The following TTC29 variants were observed in gnomAD, a reference collection of about 807,000 sequenced individuals.
The protein encoded by TTC29 is tetratricopeptide repeat domain 29.
A neutral mutation model predicts 58.1 loss-of-function variants in TTC29; 49 were observed. The observed-to-expected ratio is 0.84, with a 90% CI of 0.67 to 1.07. The LOEUF is 1.07. TTC29 is among the 50% of genes least tolerant of loss of function. TTC29 has a pLI of 0.00. For synonymous variants in TTC29, 209 were observed against 196.8 expected, an observed-to-expected ratio of 1.06 and a Z score of -0.52; for missense variants, 582 against 555.6, an observed-to-expected ratio of 1.05 and a Z score of -0.48.
chr4:146,882,836 A>G (rs1731724672), intron 6 of TTC29, among the ~76,000 whole-genome samples: 1 of 152,056 alleles, frequency 6.6e-6, no homozygotes, highest in Admixed American at 6.6e-5. Flanking sequence ...ATTACGACAA[A>G]ACCCAAAAAA....
intron 9 of TTC29, among the ~76,000 whole-genome samples, chr4:146,825,668 T>C (rs1437225507): frequency 6.6e-6 from 1 of 152,198 alleles, no homozygotes; most frequent in Non-Finnish European, 1.5e-5. Flanking sequence ...GTTAATTTTC[T>C]GTCTCGTTAA....
intron 6 of TTC29, among the ~76,000 whole-genome samples, chr4:146,899,002 C>A (rs149130686): frequency 1.3e-5 from 2 of 152,264 alleles, no homozygotes; most frequent in East Asian, 3.9e-4. Context: ...CATGGGGAAG[C>A]GGAAAGAGGA....
intron 11 of TTC29, among the ~76,000 whole-genome samples, chr4:146,752,036 T>C (rs1234829419): frequency 6.6e-6 from 1 of 152,024 alleles, no homozygotes; most frequent in Non-Finnish European, 1.5e-5. Context: ...TCACCACTGC[T>C]ATTCAACATA....
At chr4:146,739,161 ACTGT>A (rs1166537900) in intron 11 of TTC29, among the ~76,000 whole-genome samples, 1 of 152,200 alleles carries the variant, frequency 6.6e-6, no homozygotes, top group Non-Finnish European at 1.5e-5. Context: ...GATTATATAA[ACTGT>A]CTATTATAGG....
At chr4:146,848,617 T>G (rs1729324302) in intron 8 of TTC29, among the ~76,000 whole-genome samples, 1 of 152,212 alleles carries the variant, frequency 6.6e-6, no homozygotes, top group East Asian at 1.9e-4. Context: ...AGCATTCTTA[T>G]AGTAAGCTTT....
chr4:146,823,434 G>A (rs947535280), intron 9 of TTC29, among the ~76,000 whole-genome samples: 2 of 152,060 alleles, frequency 1.3e-5, no homozygotes, highest in Admixed American at 6.6e-5. Flanking sequence ...TGTTATTTCC[G>A]AGGTCTCTGT....
intron 4 of TTC29, among the ~76,000 whole-genome samples, chr4:146,928,618 C>T (rs1052670901): frequency 6.6e-6 from 1 of 152,176 alleles, no homozygotes; most frequent in African/African-American, 2.4e-5. Context: ...CCTCTAGTTG[C>T]TCAGGTCAGT....
At chr4:146,864,447 GCAGA>G (rs950041725) in intron 8 of TTC29, among the ~76,000 whole-genome samples, 7 of 152,194 alleles carry the variant, frequency 4.6e-5, no homozygotes, top group African/African-American at 1.4e-4. Flanking sequence ...TATAAACCAG[GCAGA>G]CAGTCTTTTA....
intron 11 of TTC29, among the ~76,000 whole-genome samples, chr4:146,774,163 T>C (rs1294009034): frequency 6.6e-6 from 1 of 152,102 alleles, no homozygotes; most frequent in East Asian, 1.9e-4. Context: ...TCTTATTTAT[T>C]CTTTCAAAAA....
chr4:146,853,279 A>G (rs1205345828), intron 8 of TTC29, among the ~76,000 whole-genome samples: 1 of 152,174 alleles, frequency 6.6e-6, no homozygotes, highest in Non-Finnish European at 1.5e-5. Context: ...ATAACCACCA[A>G]AAACAGTTTG....
intron 7 of TTC29, among the ~76,000 whole-genome samples, 199 bp downstream of exon 7, chr4:146,874,517 A>G (rs1579882565): frequency 6.6e-6 from 1 of 152,192 alleles, no homozygotes; most frequent in East Asian, 1.9e-4. Flanking sequence ...TAAAGCTTTC[A>G]GGAAACTAAT....
chr4:146,847,661 G>A (rs115479916), intron 8 of TTC29, among the ~76,000 whole-genome samples: 237 of 152,286 alleles, frequency 1.6e-3, no homozygotes, highest in African/African-American at 5.3e-3. Flanking sequence ...ACTTGTCAGG[G>A]AGAAGGGAGG....
chr4:146,846,904 A>T (rs1353632411), intron 8 of TTC29, among the ~76,000 whole-genome samples: 1 of 152,182 alleles, frequency 6.6e-6, no homozygotes, highest in Non-Finnish European at 1.5e-5. Context: ...CTGTCTGTAC[A>T]ATTTGATATC....
At chr4:146,788,297 T>C (rs928118888) in intron 11 of TTC29, among the ~76,000 whole-genome samples, 17 of 152,238 alleles carry the variant, frequency 1.1e-4, no homozygotes, top group African/African-American at 3.9e-4. Context: ...TTGCTTTGGC[T>C]AAGGGATGGG....
chr4:146,766,555 T>C (rs1747337470), intron 11 of TTC29, among the ~76,000 whole-genome samples: 1 of 152,054 alleles, frequency 6.6e-6, no homozygotes, highest in South Asian at 2.1e-4. Context: ...ACCTGTCTGA[T>C]AAAAAAATTA....
chr4:146,870,802 A>C (rs2150215606), intron 7 of TTC29, among the ~76,000 whole-genome samples: 1 of 152,130 alleles, frequency 6.6e-6, no homozygotes, highest in East Asian at 1.9e-4. Flanking sequence ...AAGAAATAAA[A>C]ACTCTGAATA....
At chr4:146,842,452 T>C (rs567471621) in intron 8 of TTC29, among the ~76,000 whole-genome samples, 4 of 152,218 alleles carry the variant, frequency 2.6e-5, no homozygotes, top group African/African-American at 9.6e-5. Context: ...TAGAGAGTCA[T>C]GCAGGACACT....
intron 10 of TTC29, among the ~76,000 whole-genome samples, chr4:146,809,643 C>A (rs1750874225): frequency 6.7e-6 from 1 of 149,728 alleles, no homozygotes. Flanking sequence ...ATTTATGCGG[C>A]CACCAAACAT....
chr4:146,818,348 G>T (rs940237298), intron 10 of TTC29, among the ~76,000 whole-genome samples: 13 of 152,312 alleles, frequency 8.5e-5, no homozygotes, highest in Non-Finnish European at 1.8e-4. Flanking sequence ...CATCATCACT[G>T]GCCATCAGAC....
Sources: gnomAD v4.1 joint callset for allele counts (sites outside exome capture counted in the v4.1 genomes callset) on GRCh38, gnomAD v4.1.1 for gene constraint, MANE v1.5 for transcripts, NCBI Gene and HGNC (gene_info 2026-07-23, HGNC 2026-07-21) for gene names.